The following SUFU variants were observed in gnomAD, a reference collection of about 807,000 sequenced individuals.
The protein encoded by SUFU is suppressor of fused homolog.
A neutral mutation model predicts 58.9 loss-of-function variants in SUFU; 7 were observed. The observed-to-expected ratio is 0.12, with a 90% CI of 0.07 to 0.22. The LOEUF (loss-of-function observed/expected upper bound fraction) is 0.22, where lower values mean the gene tolerates loss of function less well. Among genes scored for constraint, SUFU ranks in the 10% least tolerant of loss-of-function variants. SUFU has a pLI of 1.00. For synonymous variants in SUFU, 232 were observed against 254.8 expected (o/e 0.91, Z 0.85); for missense variants, 451 against 641.3 (o/e 0.70, Z 3.20).
chr10:102,534,114 C>T (rs900848775), intron 2 of SUFU, among the ~76,000 whole-genome samples: 5 of 152,116 alleles, frequency 3.3e-5, no homozygotes, highest in East Asian at 1.9e-4. Context: ...TGAGGAGGGG[C>T]GGAGACTGAG....
intron 3 of SUFU, among the ~76,000 whole-genome samples, chr10:102,565,149 T>G (rs78069802): frequency 0.051 from 7,799 of 152,312 alleles, 277 homozygotes; most frequent in East Asian, 0.095. Context: ...TACCTGGGCT[T>G]CTTTTGTGCC....
At chr10:102,530,705 C>T (rs7902306) in intron 2 of SUFU, among the ~76,000 whole-genome samples, 48,929 of 151,490 alleles carry the variant, frequency 0.32, 8,153 homozygotes, top group African/African-American at 0.38. Context: ...CCTACTGCCT[C>T]GGCCTCCCAA....
intron 3 of SUFU, among the ~76,000 whole-genome samples, chr10:102,564,543 C>T (rs1328128909): frequency 1.3e-5 from 2 of 152,112 alleles, no homozygotes; most frequent in African/African-American, 4.8e-5. Flanking sequence ...ATGTTGGCCA[C>T]GCTGGTCTCC....
intron 8 of SUFU, among the ~76,000 whole-genome samples, chr10:102,608,917 T>C (rs770794675): frequency 5.3e-5 from 8 of 152,178 alleles, no homozygotes; most frequent in Non-Finnish European, 1.2e-4. Flanking sequence ...TTCTCTTAAA[T>C]TAAAATTCCA....
At chr10:102,568,744 G>A (rs1404308773) in intron 3 of SUFU, among the ~76,000 whole-genome samples, 1 of 150,384 alleles carries the variant, frequency 6.6e-6, no homozygotes, top group Non-Finnish European at 1.5e-5. Context: ...TGAGGTGGCG[G>A]GCGCCTGTAA....
At chr10:102,588,179 G>A (rs1223209007) in intron 3 of SUFU, among the ~76,000 whole-genome samples, 2 of 152,052 alleles carry the variant, frequency 1.3e-5, no homozygotes, top group Non-Finnish European at 2.9e-5. Flanking sequence ...CGCGGATCAC[G>A]AGGTCAGGAG....
chr10:102,570,532 T>C (rs1040652246), intron 3 of SUFU, among the ~76,000 whole-genome samples: 2 of 125,272 alleles, frequency 1.6e-5, no homozygotes, highest in African/African-American at 6.0e-5. Flanking sequence ...CTGGGGTTTT[T>C]TTAGTTTTTT....
chr10:102,589,091 T>TTGTGTG (rs34076958), intron 3 of SUFU, among the ~76,000 whole-genome samples: 1 of 150,846 alleles, frequency 6.6e-6, no homozygotes, highest in Non-Finnish European at 1.5e-5. Context: ...CCTGGCTAAT[T>TTGTGTG]TGTGTGTGTG....
At chr10:102,578,937 C>T (rs978388744) in intron 3 of SUFU, among the ~76,000 whole-genome samples, 5 of 151,770 alleles carry the variant, frequency 3.3e-5, no homozygotes, top group African/African-American at 9.7e-5. Context: ...GGCAGGCCCT[C>T]GTGCTGGTGA....
At chr10:102,538,623 G>A (rs1338787587) in intron 2 of SUFU, among the ~76,000 whole-genome samples, 1 of 151,256 alleles carries the variant, frequency 6.6e-6, no homozygotes. Flanking sequence ...CTTACCACAC[G>A]CATGCATGCA....
chr10:102,517,035 A>G (rs1424945026), intron 2 of SUFU, among the ~76,000 whole-genome samples: 2 of 151,072 alleles, frequency 1.3e-5, no homozygotes, highest in African/African-American at 4.9e-5. Flanking sequence ...AGACAGGAGA[A>G]TCGCTTGAAT....
intron 3 of SUFU, among the ~76,000 whole-genome samples, chr10:102,560,327 T>A (rs1313271320): frequency 6.6e-6 from 1 of 152,020 alleles, no homozygotes; most frequent in African/African-American, 2.4e-5. Flanking sequence ...CCCAGCACTT[T>A]GGGAGGCTGA....
chr10:102,553,380 T>C (rs1202676334), intron 3 of SUFU, among the ~76,000 whole-genome samples: 1 of 152,164 alleles, frequency 6.6e-6, no homozygotes, highest in Admixed American at 6.5e-5. Flanking sequence ...GACTGTGATA[T>C]ACCAGCTTTT....
At chr10:102,530,953 C>G (rs2062669788) in intron 2 of SUFU, among the ~76,000 whole-genome samples, 1 of 151,810 alleles carries the variant, frequency 6.6e-6, no homozygotes, top group African/African-American at 2.4e-5. Flanking sequence ...ATTGTAGTTT[C>G]TTGGCTGTGC....
chr10:102,629,994 C>A lies in SUFU; in HGVS notation c.1366-72C>A. 1.4e-6 allele frequency: 2 copies of A among 1,404,354 alleles called. No individual in the cohort carries two copies. The highest frequency in any genetic ancestry group is 2.0e-6 in the Non-Finnish European group (2 of 988,792). 87.0% of individuals were successfully genotyped at this position (1,404,354 alleles called of 1,614,324 possible). A position where few individuals can be genotyped will look rare whatever the true frequency, so the allele number is the denominator to read the frequency against. On this transcript the variant is annotated intron_variant, in intron 11 of 11. Coordinates refer to ENST00000369902, the MANE Select transcript of SUFU (RefSeq NM_016169.4). The surrounding 1 kb of genome is among the most constrained non-coding windows in gnomAD (Gnocchi z 4.7). Reference sequence around the variant, plus strand: ...CTAGCTCCCCGGGGACAGGCCTGGGCAATCTCTGGAAAGACCACGGTGTAT... The same window carrying A: ...CTAGCTCCCCGGGGACAGGCCTGGGAAATCTCTGGAAAGACCACGGTGTAT...
At chr10:102,587,036 T>A (rs1292027854) in intron 3 of SUFU, among the ~76,000 whole-genome samples, 2 of 152,258 alleles carry the variant, frequency 1.3e-5, no homozygotes, top group Non-Finnish European at 2.9e-5. Context: ...TTGCCAGAAT[T>A]TCTTTTTTAT....
At chr10:102,511,730 A>G (rs981580077) in intron 2 of SUFU, among the ~76,000 whole-genome samples, 103 of 151,920 alleles carry the variant, frequency 6.8e-4, no homozygotes, top group African/African-American at 2.3e-3. Context: ...TTGTTTTTTG[A>G]GACAGGGTCA....
intron 10 of SUFU, among the ~76,000 whole-genome samples, chr10:102,623,578 G>A (rs1373782280): frequency 1.3e-5 from 2 of 152,184 alleles, no homozygotes; most frequent in African/African-American, 4.8e-5. Flanking sequence ...CTACAGTTGG[G>A]GTGTCTTCCC....
chr10:102,586,323 C>T (rs999671778), intron 3 of SUFU, among the ~76,000 whole-genome samples: 1 of 152,048 alleles, frequency 6.6e-6, no homozygotes, highest in Non-Finnish European at 1.5e-5. Flanking sequence ...ATGCTGGATA[C>T]TTATTAGATA....
Sources: allele counts gnomAD v4.1 joint callset (sites outside exome capture counted in the v4.1 genomes callset), GRCh38; gene constraint gnomAD v4.1.1; non-coding constraint Gnocchi (gnomAD v3.1); transcripts MANE v1.5; gene names NCBI Gene and HGNC (gene_info 2026-07-23, HGNC 2026-07-21).